The following PLCD4 variants were observed in gnomAD, a reference collection of about 807,000 sequenced individuals.
The protein encoded by PLCD4 is phospholipase C delta 4, also known as 1-phosphatidylinositol 4,5-bisphosphate phosphodiesterase delta-4.
A neutral mutation model predicts 90.2 loss-of-function variants in PLCD4; 63 were observed. That is an observed-to-expected ratio of 0.70 (90% CI 0.57 to 0.86). The LOEUF is 0.86. PLCD4 is among the 40% of genes least tolerant of loss of function. PLCD4 has a pLI of 0.00. For synonymous variants in PLCD4, 294 were observed against 356.5 expected, an observed-to-expected ratio of 0.82 and a Z score of 1.97; for missense variants, 830 against 956.3, an observed-to-expected ratio of 0.87 and a Z score of 1.74.
chr2:218,634,092 T>C lies in PLCD4; in HGVS notation c.1607-13T>C. On this transcript the variant is annotated splice_polypyrimidine_tract_variant and intron_variant, in intron 11 of 15. Transcript: ENST00000450993. This position sits in a 1 kb window ranked among gnomAD's most constrained non-coding sequence, Gnocchi z 4.0. Reference sequence around the variant, plus strand: ...CACCCCACTTCCATCTCCCTCTCTATACCCTTTTACAGGCAATGAGTTTGT... The same window carrying C: ...CACCCCACTTCCATCTCCCTCTCTACACCCTTTTACAGGCAATGAGTTTGT... 1.9e-6 allele frequency: 3 copies of C among 1,599,608 alleles called. No individual in the cohort carries two copies. Among genetic ancestry groups the C allele is most frequent in the Non-Finnish European group, 2.6e-6 (3 of 1,173,054 alleles).
At chr2:218,623,832 G>A (rs1170962058) in intron 6 of PLCD4, among the ~76,000 whole-genome samples, 1 of 152,100 alleles carries the variant, frequency 6.6e-6, no homozygotes, top group South Asian at 2.1e-4. Flanking sequence ...ACAGGCATGC[G>A]CCACCACGCC....
At position 218,625,212 on chromosome 2, in the gene PLCD4, CA is replaced by C. The variant is rs997747957; in HGVS notation, c.772+2345del. On this transcript the variant is annotated intron_variant, in intron 6 of 15. Coordinates refer to ENST00000450993, the MANE Select transcript of PLCD4 (RefSeq NM_032726.4). Reference sequence around the variant, plus strand: ...TAAACATCAGTCCAAGACTCTGTTTCAAAAAAAAAAAGCAAGAAAGAAAAGA... The same window carrying C: ...TAAACATCAGTCCAAGACTCTGTTTCAAAAAAAAAAGCAAGAAAGAAAAGA... Among the ~76,000 whole-genome samples, 214 of 105,750 alleles carry C rather than the reference CA, an allele frequency of 2.0e-3. 2 individuals carry two copies. The East Asian group carries it at 0.035, about 17-fold the overall frequency. 69.4% of individuals were successfully genotyped at this position (105,750 alleles called of 152,430 possible).
At position 218,624,301 on chromosome 2, in the gene PLCD4, G is replaced by C. The variant is rs150083810; in HGVS notation, c.772+1423G>C. Among the ~76,000 whole-genome samples the C allele has an allele frequency of 2.0e-5, 3 of 152,246 alleles. No individual in the cohort carries two copies. In the East Asian group the frequency reaches 5.8e-4, roughly 29 times the overall value. On this transcript the variant is annotated intron_variant, in intron 6 of 15. Coordinates refer to ENST00000450993, the MANE Select transcript of PLCD4 (RefSeq NM_032726.4). ...TTATTGAGTTCCTATAATGTGTCAG[G>C]ACCTATGCTAGGCACCAGACATACA... is the stretch of plus-strand genomic sequence containing the variant.
At chr2:218,628,266 GA>G (rs1696203440) in intron 7 of PLCD4, 36 bp downstream of exon 7, 6 of 1,589,184 alleles carry the variant, frequency 3.8e-6, no homozygotes, top group Non-Finnish European at 5.2e-6. Flanking sequence ...CAACTCATGA[GA>G]GGGACCATGT....
chr2:218,611,267 G>A (rs1326301993), intron 1 of PLCD4, among the ~76,000 whole-genome samples: 7 of 152,170 alleles, frequency 4.6e-5, no homozygotes, highest in African/African-American at 1.7e-4. Context: ...ACAAAGCCAA[G>A]CTTTGGGGTT....
rs1204183041 is a variant in PLCD4, at chr2:218,633,739, C to G, written c.1584C>G (p.Ala528=). The G allele has an allele frequency of 6.2e-7, 1 of 1,613,848 alleles. No individual in the cohort carries two copies. The highest frequency in any genetic ancestry group is 1.3e-5 in the African/African-American group (1 of 74,910). The stretch of plus-strand genomic sequence containing the variant: ...TATCATCTTTCTCTGAAACCAAGGC[C>G]AAGCGCCTCATCAAGGAGGCTGGTC... ...YEISSFSETK[A]KRLIKEAGNE... The change falls in exon 11 of 16, where the codon GCC becomes GCG. Residue 528 remains alanine, a synonymous_variant. Transcript: ENST00000450993.
intron 1 of PLCD4, among the ~76,000 whole-genome samples, chr2:218,608,822 G>A (rs1695201972): frequency 6.6e-6 from 1 of 152,106 alleles, no homozygotes; most frequent in Non-Finnish European, 1.5e-5. Flanking sequence ...TGATGTAGCT[G>A]GGAATGTCTG....
chr2:218,620,643 G>A (rs1466285145), intron 4 of PLCD4, among the ~76,000 whole-genome samples: 1 of 151,770 alleles, frequency 6.6e-6, no homozygotes, highest in Non-Finnish European at 1.5e-5. Flanking sequence ...TTTGGTCTGG[G>A]AGGTTGAGGC....
In PLCD4 at chr2:218,636,973, TC is replaced by T. The variant is rs1696800602; in HGVS notation, c.*400del. Reference sequence around the variant, plus strand: ...AATAGAGAAACCTAAAGAAGCATCATCCCCTCCATCCCCAACTTCCTCAAAG... The same window carrying T: ...AATAGAGAAACCTAAAGAAGCATCATCCCTCCATCCCCAACTTCCTCAAAG... On this transcript the variant is annotated 3_prime_UTR_variant, in exon 16 of 16. Transcript: ENST00000450993. 1.4e-4 allele frequency: 62 copies of T among 452,534 alleles called. No homozygotes were observed. The highest frequency in any genetic ancestry group is 9.7e-4 in the South Asian group (62 of 63,666). The allele number at this position is 452,534 out of a possible 1,614,324, so 28.0% of individuals were successfully genotyped here. A position where few individuals can be genotyped will look rare whatever the true frequency, so the allele number is the denominator to read the frequency against.
intron 6 of PLCD4, among the ~76,000 whole-genome samples, chr2:218,626,022 G>A (rs1696101212): frequency 6.6e-6 from 1 of 151,974 alleles, no homozygotes; most frequent in Non-Finnish European, 1.5e-5. Context: ...GGGAGGGTGA[G>A]GCAGGAGGAC....
chr2:218,628,294 C>T, intron 7 of PLCD4, 64 bp downstream of exon 7: 1 of 1,487,230 alleles, frequency 6.7e-7, no homozygotes, highest in Non-Finnish European at 9.3e-7. Context: ...GTGAGGGGAG[C>T]TGTCAGTGTC....
chr2:218,609,011 G>A (rs963133712), intron 1 of PLCD4, among the ~76,000 whole-genome samples: 3 of 151,748 alleles, frequency 2.0e-5, no homozygotes, highest in Non-Finnish European at 4.4e-5. Context: ...GGTGGGTGGC[G>A]GGTGCCTGTA....
chr2:218,630,417 A>G (rs931523644), intron 8 of PLCD4, among the ~76,000 whole-genome samples: 4 of 152,174 alleles, frequency 2.6e-5, no homozygotes, highest in African/African-American at 9.7e-5. Context: ...TGGCACAGGT[A>G]TGAGATTTAG....
At chr2:218,608,571 T>G (rs1038558006) in intron 1 of PLCD4, among the ~76,000 whole-genome samples, 2 of 152,200 alleles carry the variant, frequency 1.3e-5, no homozygotes, top group Non-Finnish European at 2.9e-5. Flanking sequence ...TGCACCAGAG[T>G]GCTACGTTGG....
intron 11 of PLCD4, 138 bp from the exon 12 acceptor site, chr2:218,633,967 A>G: frequency 5.5e-6 from 7 of 1,283,796 alleles, no homozygotes; most frequent in Middle Eastern, 1.9e-4. Context: ...GGATGGACAG[A>G]GTAGAGAGGC....
rs144238139 is a variant in PLCD4 at position 218,634,887 on chromosome 2, T to G, written c.1896+257T>G. 6.6e-6 allele frequency among the ~76,000 whole-genome samples: 1 copy of G among 152,216 alleles called. No homozygotes were observed. The highest frequency in any genetic ancestry group is 1.9e-4 in the East Asian group (1 of 5,180). ...AACACTACCACCTGCCTCACAGGGT[T>G]ATAAGGAGTATAACAGTTAATATAA... On this transcript the variant is annotated intron_variant, in intron 13 of 15. Transcript: ENST00000450993. The surrounding 1 kb of genome is among the most constrained non-coding windows in gnomAD (Gnocchi z 4.0).
At chr2:218,633,872 A>ACCAG in intron 11 of PLCD4, 111 bp downstream of exon 11, 3 of 1,369,064 alleles carry the variant, frequency 2.2e-6, no homozygotes, top group African/African-American at 1.4e-5. Flanking sequence ...GGAGAGATGA[A>ACCAG]GGAGTTCAGA....
At position 218,634,549 on chromosome 2, in the gene PLCD4, A is replaced by G; in HGVS notation, c.1815A>G (p.Pro605=). The G allele has an allele frequency of 6.2e-7, 1 of 1,614,070 alleles. No homozygotes were observed. Among genetic ancestry groups the G allele is most frequent in the Non-Finnish European group, 8.5e-7 (1 of 1,179,902 alleles). ...GCGGCTGTGGCTATGTGCTGAAGCC[A>G]GACTTCCTGCGTGATATCCAGAGTT... ...QNGGCGYVLK[P]DFLRDIQSSF... is the part of the protein sequence containing the mutation. The change falls in exon 13 of 16, where the codon CCA becomes CCG. Residue 605 remains proline (P), a synonymous_variant. Coordinates refer to ENST00000450993, the MANE Select transcript of PLCD4 (RefSeq NM_032726.4). The surrounding 1 kb of genome is among the most constrained non-coding windows in gnomAD (Gnocchi z 4.0).
chr2:218,615,653 A>G (rs1238005836), intron 1 of PLCD4, 54 bp from the exon 2 acceptor site: 61 of 1,455,598 alleles, frequency 4.2e-5, no homozygotes, highest in Non-Finnish European at 5.6e-5. Flanking sequence ...AAAATCAGCT[A>G]CAGACTATCT....
Sources: gnomAD v4.1 joint callset for allele counts (sites outside exome capture counted in the v4.1 genomes callset) on GRCh38, gnomAD v4.1.1 for gene constraint, Gnocchi (gnomAD v3.1) non-coding constraint, MANE v1.5 for transcripts, NCBI Gene and HGNC (gene_info 2026-07-23, HGNC 2026-07-21) for gene names.